Variants in GPM6B observed in about 807,000 individuals in gnomAD.
GPM6B encodes the protein glycoprotein M6B.
In GPM6B, 4 loss-of-function variants were observed where a neutral mutation model predicts 27.2. That is an observed-to-expected ratio of 0.15 (90% confidence interval 0.07 to 0.34). The LOEUF is 0.34. Among genes scored for constraint, GPM6B ranks in the 10% least tolerant of loss-of-function variants. GPM6B has a pLI of 1.00. For synonymous variants in GPM6B, 124 were observed against 103.1 expected (o/e 1.20, Z -1.23); for missense variants, 183 against 261.9 (o/e 0.70, Z 2.08).
rs1456285352 is a variant in GPM6B at position 13,785,784 on chromosome X, C to T, written c.206G>A (p.Cys69Tyr). The change falls in exon 3 of 8, where the codon TGT becomes TAT. Residue 69 changes from cysteine to tyrosine, a missense_variant. Transcript: ENST00000316715. ...GGAGGCGTAGGGGACTCCTCCCAGA[C>T]ACTTGATGCAGCATTCAAAGCAGCC... The part of the protein sequence containing the change: ...SPGCFECCIK[C>Y]LGGVPYASLV... 2 of 1,208,162 alleles carry T rather than the reference C, an allele frequency of 1.7e-6. No individual in the cohort carries two copies. The highest frequency in any genetic ancestry group is 2.2e-6 in the Non-Finnish European group (2 of 893,896).
intron 1 of GPM6B, among the ~76,000 whole-genome samples, chrX:13,812,315 A>T (rs1228679958): frequency 2.7e-5 from 3 of 109,916 alleles, no homozygotes; most frequent in African/African-American, 6.6e-5. Flanking sequence ...GGCCTCCCAA[A>T]GTGGTGGGAT....
intron 1 of GPM6B, among the ~76,000 whole-genome samples, chrX:13,828,442 G>A (rs1019202244): frequency 9.0e-6 from 1 of 111,227 alleles, no homozygotes; most frequent in East Asian, 2.8e-4. Context: ...CTCACCAGAT[G>A]CAGCCCCCTG....
rs770134856 is a variant in GPM6B at position 13,860,513 on chromosome X, T to TA, written c.-197-74706dup. ...TGAAAACACTGTAGGAAGGTATCCT[T>TA]ATTCTCGAGGATTATCAACTCTTAC... On this transcript the variant is annotated intron_variant, in intron 1 of 6. Transcript: ENST00000398361. Among the ~76,000 whole-genome samples the TA allele has an allele frequency of 1.6e-3, 172 of 108,588 alleles. 1 individual carries two copies. Among genetic ancestry groups the TA allele is most frequent in the African/African-American group, 5.5e-3 (162 of 29,712 alleles). 94.3% of individuals were successfully genotyped at this position (108,588 alleles called of 115,157 possible). A position where few individuals can be genotyped will look rare whatever the true frequency, so the allele number is the denominator to read the frequency against.
chrX:13,873,401 G>T (rs1356782829), intron 1 of GPM6B, among the ~76,000 whole-genome samples: 1 of 110,785 alleles, frequency 9.0e-6, no homozygotes, highest in East Asian at 2.8e-4. Context: ...TTAAGGAAAG[G>T]GGCTTATCTC....
intron 1 of GPM6B, among the ~76,000 whole-genome samples, chrX:13,914,605 T>C (rs1464455325): frequency 8.9e-6 from 1 of 112,039 alleles, no homozygotes; most frequent in East Asian, 2.8e-4. Flanking sequence ...TGGGGAGGAG[T>C]GTCCCTGTGC....
chrX:13,857,707 TAA>T (rs1427756614), intron 1 of GPM6B, among the ~76,000 whole-genome samples: 3 of 112,686 alleles, frequency 2.7e-5, no homozygotes, highest in South Asian at 3.7e-4. Context: ...GATCTTTTGG[TAA>T]TTGCATGTTA....
chrX:13,878,801 A>G, intron 1 of GPM6B, among the ~76,000 whole-genome samples: 1 of 112,345 alleles, frequency 8.9e-6, no homozygotes, highest in East Asian at 2.8e-4. Context: ...TTAAGTGTAC[A>G]AGAGAGAGGC....
At chrX:13,828,613 G>A (rs186333766) in intron 1 of GPM6B, among the ~76,000 whole-genome samples, 3 of 111,943 alleles carry the variant, frequency 2.7e-5, no homozygotes, top group South Asian at 3.8e-4. Flanking sequence ...GATACTTGGC[G>A]AGTTCCTTTC....
chrX:13,824,894 T>C (rs985865672), intron 1 of GPM6B, among the ~76,000 whole-genome samples: 3 of 112,061 alleles, frequency 2.7e-5, no homozygotes, highest in Admixed American at 9.4e-5. Flanking sequence ...AGTCAAGGTG[T>C]GGGCGGGGCC....
At chrX:13,895,506 C>T (rs1372689484) in intron 1 of GPM6B, among the ~76,000 whole-genome samples, 2 of 111,004 alleles carry the variant, frequency 1.8e-5, no homozygotes, top group Admixed American at 9.6e-5. Context: ...TATTAATAAA[C>T]CTTTCTGGAA....
upstream of GPM6B, among the ~76,000 whole-genome samples, chrX:13,818,513 G>A (rs1456161764): frequency 8.9e-6 from 1 of 112,233 alleles, no homozygotes; most frequent in Non-Finnish European, 1.9e-5. Flanking sequence ...TGTTACAGTC[G>A]AGAAGATTTT....
intron 1 of GPM6B, among the ~76,000 whole-genome samples, chrX:13,886,062 C>A (rs1300430537): frequency 8.9e-6 from 1 of 112,332 alleles, no homozygotes; most frequent in Non-Finnish European, 1.9e-5. Flanking sequence ...AAGTTAGCAA[C>A]AGAAATAAAA....
intron 1 of GPM6B, among the ~76,000 whole-genome samples, chrX:13,829,293 C>T (rs2147214818): frequency 9.0e-6 from 1 of 111,553 alleles, no homozygotes; most frequent in South Asian, 3.8e-4. Context: ...TACCATGTGA[C>T]CTTCCTGAGT....
intron 1 of GPM6B, among the ~76,000 whole-genome samples, chrX:13,922,305 C>T (rs983503550): frequency 1.4e-4 from 16 of 111,542 alleles, no homozygotes; most frequent in African/African-American, 4.2e-4. Context: ...CCCCATCCCC[C>T]GAATCTGTAA....
chrX:13,924,778 T>A (rs962919895), intron 1 of GPM6B, among the ~76,000 whole-genome samples: 1 of 111,830 alleles, frequency 8.9e-6, no homozygotes, highest in Non-Finnish European at 1.9e-5. Context: ...GTTTTAACAT[T>A]CAACATGTGA....
At chrX:13,917,345 C>T (rs1415062270) in intron 1 of GPM6B, among the ~76,000 whole-genome samples, 1 of 112,460 alleles carries the variant, frequency 8.9e-6, no homozygotes, top group Non-Finnish European at 1.9e-5. Context: ...GAGCAATAAC[C>T]TTCTGTTAGT....
At chrX:13,902,700 C>T (rs982675576) in intron 1 of GPM6B, among the ~76,000 whole-genome samples, 7 of 111,255 alleles carry the variant, frequency 6.3e-5, no homozygotes, top group Non-Finnish European at 3.8e-5. Flanking sequence ...GGGCTCATGA[C>T]CCACACTCAC....
At chrX:13,876,259 T>C (rs2188768) in intron 1 of GPM6B, among the ~76,000 whole-genome samples, 57,615 of 110,202 alleles carry the variant, frequency 0.52, 12,798 homozygotes, top group East Asian at 0.95. Context: ...CTCTGCACAG[T>C]TTAAGATTAC....
chrX:13,857,611 T>C (rs2049796092), intron 1 of GPM6B, among the ~76,000 whole-genome samples: 1 of 112,456 alleles, frequency 8.9e-6, no homozygotes, highest in South Asian at 3.7e-4. Context: ...CAATAGAGAC[T>C]AGCATGTTTT....
Sources: gnomAD v4.1 joint callset for allele counts (sites outside exome capture counted in the v4.1 genomes callset) on GRCh38, gnomAD v4.1.1 for gene constraint, MANE v1.5 for transcripts, NCBI Gene and HGNC (gene_info 2026-07-23, HGNC 2026-07-21) for gene names.